MGAT4C: variants seen among roughly 807,000 people sequenced by gnomAD.
The protein encoded by MGAT4C is MGAT4 family member C.
A neutral mutation model predicts 40.1 loss-of-function variants in MGAT4C; 19 were observed. The ratio of observed to expected loss-of-function variants is 0.47; its 90% CI spans 0.33 to 0.70. MGAT4C has a LOEUF of 0.70. Ranked by LOEUF, MGAT4C falls within the 30% of genes least tolerant of loss-of-function variation. MGAT4C has a pLI of 0.02. For synonymous variants in MGAT4C, 181 were observed against 187.1 expected (o/e 0.97, Z 0.27); for missense variants, 491 against 563.2 (o/e 0.87, Z 1.30).
At chr12:86,794,122 T>A (rs1182138403) in intron 1 of MGAT4C, among the ~76,000 whole-genome samples, 1 of 151,894 alleles carries the variant, frequency 6.6e-6, no homozygotes, top group Non-Finnish European at 1.5e-5. Flanking sequence ...TGAATTAATA[T>A]AGTTACATCA....
chr12:86,205,950 C>CAA lies in MGAT4C; in HGVS notation c.-57+50287_-57+50288dup, dbSNP rs58201797. Among the ~76,000 whole-genome samples, 442 of 149,206 alleles carry CAA rather than the reference C, an allele frequency of 3.0e-3. 2 individuals carry two copies. The highest frequency in any genetic ancestry group is 0.01 in the African/African-American group (422 of 40,558). Reference sequence around the variant, plus strand: ...TGTGTTCTATTCAGCATGCTTCCACCAAAAAAAAAAAAAAATTAAGCAATT... The same window carrying CAA: ...TGTGTTCTATTCAGCATGCTTCCACCAAAAAAAAAAAAAAAAATTAAGCAATT... On this transcript the variant is annotated intron_variant, in intron 1 of 4. Transcript: ENST00000611864.
At chr12:86,611,608 T>G (rs920830146) in intron 2 of MGAT4C, among the ~76,000 whole-genome samples, 2 of 152,196 alleles carry the variant, frequency 1.3e-5, no homozygotes, top group African/African-American at 2.4e-5. Context: ...GCTTTTGCAC[T>G]CCTTATCTCC....
At chr12:86,761,183 T>TAA in intron 1 of MGAT4C, among the ~76,000 whole-genome samples, 1 of 152,004 alleles carries the variant, frequency 6.6e-6, no homozygotes, top group South Asian at 2.1e-4. Context: ...TGGCACTTAG[T>TAA]AAAAAAAATG....
chr12:86,196,660 T>C (rs1341061950), intron 1 of MGAT4C, among the ~76,000 whole-genome samples: 2 of 152,178 alleles, frequency 1.3e-5, no homozygotes, highest in African/African-American at 4.8e-5. Flanking sequence ...CTTTATTACA[T>C]CCAATTCTCT....
chr12:86,577,064 T>A (rs1960591988), intron 2 of MGAT4C, among the ~76,000 whole-genome samples: 1 of 151,792 alleles, frequency 6.6e-6, no homozygotes, highest in Non-Finnish European at 1.5e-5. Flanking sequence ...TTTAATTTTA[T>A]GTGTGACTAT....
chr12:86,499,858 G>A (rs1273603321), intron 2 of MGAT4C, among the ~76,000 whole-genome samples: 1 of 151,874 alleles, frequency 6.6e-6, no homozygotes, highest in African/African-American at 2.4e-5. Context: ...GTATCAGAGA[G>A]TATATACAGC....
chr12:86,649,271 C>T (rs11836942), intron 2 of MGAT4C, among the ~76,000 whole-genome samples: 19,702 of 151,510 alleles, frequency 0.13, 1,986 homozygotes, highest in African/African-American at 0.28. Context: ...AGTTTTGTAC[C>T]CATTGAAATG....
At chr12:86,231,354 A>G (rs981912836) in intron 1 of MGAT4C, among the ~76,000 whole-genome samples, 13 of 152,298 alleles carry the variant, frequency 8.5e-5, no homozygotes, top group African/African-American at 3.1e-4. Flanking sequence ...CTTGGGGTAG[A>G]GCAAAACCCC....
At chr12:86,303,058 T>C (rs529893992) in intron 4 of MGAT4C, among the ~76,000 whole-genome samples, 1 of 150,810 alleles carries the variant, frequency 6.6e-6, no homozygotes, top group African/African-American at 2.5e-5. Flanking sequence ...TTTTCTGATA[T>C]TAATTTTACT....
intron 2 of MGAT4C, among the ~76,000 whole-genome samples, chr12:86,670,935 G>T (rs1180524212): frequency 1.3e-5 from 2 of 152,080 alleles, no homozygotes; most frequent in African/African-American, 4.8e-5. Flanking sequence ...TGAAACAAAA[G>T]ACTTCATTCT....
At chr12:86,036,391 C>T (rs1891241173) in intron 2 of MGAT4C, among the ~76,000 whole-genome samples, 1 of 150,030 alleles carries the variant, frequency 6.7e-6, no homozygotes, top group African/African-American at 2.4e-5. Context: ...GTGTCTTGTG[C>T]TGGTTTTCAA....
At chr12:86,253,527 T>A (rs1273049601) in intron 1 of MGAT4C, among the ~76,000 whole-genome samples, 4 of 151,966 alleles carry the variant, frequency 2.6e-5, no homozygotes, top group Admixed American at 1.3e-4. Context: ...TTATCACATA[T>A]CAATTGTTAA....
At chr12:86,484,361 G>A (rs556156240) in intron 2 of MGAT4C, among the ~76,000 whole-genome samples, 1 of 152,318 alleles carries the variant, frequency 6.6e-6, no homozygotes, top group African/African-American at 2.4e-5. Flanking sequence ...GGGTACATCT[G>A]TTCTGCATGT....
chr12:86,173,764 C>A (rs141482920), intron 1 of MGAT4C, among the ~76,000 whole-genome samples: 1 of 151,716 alleles, frequency 6.6e-6, no homozygotes, highest in Non-Finnish European at 1.5e-5. Flanking sequence ...TAGTTTTGGA[C>A]TGAAAAAAAG....
intron 3 of MGAT4C, among the ~76,000 whole-genome samples, chr12:86,404,127 G>A (rs910131195): frequency 6.6e-6 from 1 of 152,146 alleles, no homozygotes; most frequent in African/African-American, 2.4e-5. Flanking sequence ...AGATTGCGGT[G>A]AGCTTTGATT....
At chr12:86,311,454 T>C (rs967244254) in intron 4 of MGAT4C, among the ~76,000 whole-genome samples, 1 of 138,242 alleles carries the variant, frequency 7.2e-6, no homozygotes, top group Non-Finnish European at 1.5e-5. Flanking sequence ...AAAAGGGTTT[T>C]AGGATTTTTG....
upstream of MGAT4C, among the ~76,000 whole-genome samples, chr12:86,260,932 CT>C (rs534833553): frequency 2.0e-5 from 3 of 151,220 alleles, no homozygotes; most frequent in Non-Finnish European, 3.0e-5. Context: ...AGCTATATAC[CT>C]TTTTTTTCCA....
chr12:86,652,930 A>G (rs1738632363), intron 2 of MGAT4C, among the ~76,000 whole-genome samples: 2 of 151,920 alleles, frequency 1.3e-5, no homozygotes, highest in African/African-American at 4.8e-5. Context: ...TTCTGTATTA[A>G]CAAAGATAAT....
intron 4 of MGAT4C, among the ~76,000 whole-genome samples, chr12:86,283,108 T>A (rs547624866): frequency 4.9e-4 from 74 of 152,082 alleles, no homozygotes; most frequent in Non-Finnish European, 9.0e-4. Context: ...CATTTCACCA[T>A]TGTTGAACTC....
Sources: allele counts gnomAD v4.1 joint callset (sites outside exome capture counted in the v4.1 genomes callset), GRCh38; gene constraint gnomAD v4.1.1; transcripts MANE v1.5; gene names NCBI Gene and HGNC (gene_info 2026-07-23, HGNC 2026-07-21).